SCARB1: variants seen among roughly 807,000 people sequenced by gnomAD.
SCARB1 encodes scavenger receptor class B member 1, also known as CD36 and LIMPII analogous 1.
Under a neutral mutation model 57.2 loss-of-function variants are expected in SCARB1, and 30 were observed. That is an observed-to-expected ratio of 0.52 (90% CI 0.39 to 0.71). SCARB1 has a LOEUF of 0.71. Ranked by LOEUF, SCARB1 falls within the 30% of genes least tolerant of loss-of-function variation. SCARB1 has a pLI of 0.00. For synonymous variants in SCARB1, 249 were observed against 268.3 expected, an observed-to-expected ratio of 0.93 and a Z score of 0.70; for missense variants, 543 against 671.2, an observed-to-expected ratio of 0.81 and a Z score of 2.11.
chr12:124,838,683 C>T (rs755379543), intron 1 of SCARB1, among the ~76,000 whole-genome samples: 1 of 151,840 alleles, frequency 6.6e-6, no homozygotes, highest in African/African-American at 2.4e-5. Flanking sequence ...CCCATTCAAG[C>T]AGGAGGGGCC....
At chr12:124,853,901 C>T (rs1387795572) in intron 1 of SCARB1, among the ~76,000 whole-genome samples, 2 of 152,158 alleles carry the variant, frequency 1.3e-5, no homozygotes, top group Non-Finnish European at 2.9e-5. Flanking sequence ...CCACTGGTCA[C>T]GAACCATCCT....
chr12:124,828,845 C>T (rs1951272018), intron 1 of SCARB1, among the ~76,000 whole-genome samples: 1 of 152,218 alleles, frequency 6.6e-6, no homozygotes, highest in Non-Finnish European at 1.5e-5. Flanking sequence ...CCAAGAAACA[C>T]ACCTCTGACC....
intron 9 of SCARB1, among the ~76,000 whole-genome samples, chr12:124,790,112 C>T (rs1303470077): frequency 2.6e-5 from 4 of 151,852 alleles, no homozygotes; most frequent in African/African-American, 4.8e-5. Flanking sequence ...CAGTGGTTCA[C>T]GCCTGTAATC....
At chr12:124,793,006 G>A (rs1949786813) in intron 9 of SCARB1, among the ~76,000 whole-genome samples, 2 of 152,188 alleles carry the variant, frequency 1.3e-5, no homozygotes, top group African/African-American at 4.8e-5. Context: ...GACTTGGGCT[G>A]CAAACGCCTC....
At chr12:124,852,424 G>A (rs1228777435) in intron 1 of SCARB1, among the ~76,000 whole-genome samples, 1 of 152,216 alleles carries the variant, frequency 6.6e-6, no homozygotes, top group Non-Finnish European at 1.5e-5. Context: ...ACAGCCCGAG[G>A]AGGGAGGCCC....
In SCARB1 at chr12:124,815,017, C is replaced by T. The variant is rs767638385; in HGVS notation, c.382G>A (p.Gly128Ser). Residue 128 changes from glycine to serine, a missense_variant, in exon 3 of 13, where the codon GGC becomes AGC. By Grantham distance (56) the Gly-to-Ser change is moderately conservative (BLOSUM62 0). Transcript: ENST00000261693. ...ATGACGATGTAGTCGCTCTCCGAGCCGTGGGACTTGGAGGGCTGGAACTGG... is the reference window on the plus strand; with the variant it reads ...ATGACGATGTAGTCGCTCTCCGAGCTGTGGGACTTGGAGGGCTGGAACTGG... The part of the protein sequence containing the change: ...TFQFQPSKSH[G>S]SESDYIVMPN... 8 of 1,614,068 alleles carry T rather than the reference C, an allele frequency of 5.0e-6. No homozygotes were observed. Among genetic ancestry groups the T allele is most frequent in the Non-Finnish European group, 4.2e-6 (5 of 1,180,052 alleles).
chr12:124,845,730 G>A (rs1393704525), intron 1 of SCARB1, among the ~76,000 whole-genome samples: 6 of 148,850 alleles, frequency 4.0e-5, no homozygotes, highest in Non-Finnish European at 7.4e-5. Context: ...GTCCAGGGCC[G>A]GGCACGGTGG....
intron 1 of SCARB1, among the ~76,000 whole-genome samples, chr12:124,829,213 A>G (rs1409423645): frequency 6.6e-6 from 1 of 152,120 alleles, no homozygotes; most frequent in Non-Finnish European, 1.5e-5. Flanking sequence ...AGCACCCTCC[A>G]TCAGCAAGGC....
chr12:124,860,829 G>A (rs563211226), intron 1 of SCARB1, among the ~76,000 whole-genome samples: 4 of 152,304 alleles, frequency 2.6e-5, no homozygotes, highest in South Asian at 2.1e-4. Context: ...GAAGGAAAAC[G>A]CGGGGTAGAC....
chr12:124,786,813 G>A (rs1432083605), intron 10 of SCARB1, among the ~76,000 whole-genome samples: 1 of 152,158 alleles, frequency 6.6e-6, no homozygotes, highest in African/African-American at 2.4e-5. Flanking sequence ...CAGGATGGCG[G>A]GGCCACCGGG....
At position 124,807,876 on chromosome 12, in the gene SCARB1, G is replaced by C. The variant is rs921679162; in HGVS notation, c.894C>G (p.Thr298=). The C allele has an allele frequency of 3.7e-6, 6 of 1,614,132 alleles. No homozygotes were observed. The highest frequency in any genetic ancestry group is 4.2e-6 in the Non-Finnish European group (5 of 1,180,006). ...KESGVFEGIP[T]YRFVAPKTLF... Reference sequence around the variant, plus strand: ...GGGTTTTGGGAGCCACGAAGCGATAGGTGGGGATGCCTTCAAACACCCCTG... The same window carrying C: ...GGGTTTTGGGAGCCACGAAGCGATACGTGGGGATGCCTTCAAACACCCCTG... The change falls in exon 7 of 13, where the codon ACC becomes ACG. Residue 298 remains threonine, a synonymous_variant. Transcript: ENST00000261693. This position sits in a 1 kb window ranked among gnomAD's most constrained non-coding sequence, Gnocchi z 5.3.
chr12:124,808,053 C>T, intron 6 of SCARB1, 126 bp from the exon 7 acceptor site: 1 of 880,164 alleles, frequency 1.1e-6, no homozygotes, highest in South Asian at 1.4e-5. Context: ...GTCCAAACCG[C>T]CCCCATCTCT....
chr12:124,827,854 T>C (rs1951224561), intron 1 of SCARB1, among the ~76,000 whole-genome samples: 1 of 152,134 alleles, frequency 6.6e-6, no homozygotes, highest in African/African-American at 2.4e-5. Flanking sequence ...GCACACGGTA[T>C]AATTAGCTTA....
chr12:124,794,100 C>A (rs544518300), intron 9 of SCARB1, among the ~76,000 whole-genome samples: 1 of 152,176 alleles, frequency 6.6e-6, no homozygotes, highest in South Asian at 2.1e-4. Context: ...TAGGTAAGTC[C>A]GCAGAGACAG....
intron 6 of SCARB1, among the ~76,000 whole-genome samples, 169 bp from the exon 7 acceptor site, chr12:124,808,096 C>T (rs551092104): frequency 2.0e-5 from 3 of 152,302 alleles, no homozygotes; most frequent in African/African-American, 7.2e-5. Context: ...TCCTAACAGG[C>T]CTCTCCGCTC....
chr12:124,840,109 G>T, intron 1 of SCARB1: 1 of 1,242,484 alleles, frequency 8.0e-7, no homozygotes, highest in Non-Finnish European at 1.1e-6. Flanking sequence ...GTATGAGTGT[G>T]TCTCACTGAT....
Position 124,789,679 on chromosome 12 carries a change from A to G in SCARB1, c.1203-2222T>C, listed in dbSNP as rs1376931991. 6.6e-6 allele frequency among the ~76,000 whole-genome samples: 1 copy of G among 152,262 alleles called. No homozygotes were observed. Among genetic ancestry groups the G allele is most frequent in the Non-Finnish European group, 1.5e-5 (1 of 68,052 alleles). The stretch of plus-strand genomic sequence containing the variant: ...CAAGAGAAAGAAAAACGAAAAAACA[A>G]AAACAAATTTTAAAACCCTAAAAAA... On this transcript the variant is annotated intron_variant, in intron 9 of 12. Transcript: ENST00000261693. The surrounding 1 kb of genome is among the most constrained non-coding windows in gnomAD (Gnocchi z 4.4).
intron 7 of SCARB1, among the ~76,000 whole-genome samples, chr12:124,803,204 C>T (rs1046943730): frequency 2.0e-5 from 3 of 152,196 alleles, no homozygotes; most frequent in Non-Finnish European, 4.4e-5. Context: ...GGGAGGACCG[C>T]GAGTGGCATC....
In SCARB1 at chr12:124,846,017, A is replaced by AAAAG. The variant is rs148552664; in HGVS notation, c.126+17574_126+17577dup. Reference sequence around the variant, plus strand: ...ACAGAGCAAGACTCTGTCTCAAAAAAAAAGAAAGAAAGAAAGAAAGAAATG... The same window carrying AAAAG: ...ACAGAGCAAGACTCTGTCTCAAAAAAAAAGAAAGAAAGAAAGAAAGAAAGAAATG... On this transcript the variant is annotated intron_variant, in intron 1 of 12. Transcript: ENST00000261693. 4.9e-3 allele frequency among the ~76,000 whole-genome samples: 748 copies of AAAAG among 152,152 alleles called. 5 individuals are homozygous for AAAAG. The highest frequency in any genetic ancestry group is 0.015 in the African/African-American group (630 of 41,482).
Sources: allele counts gnomAD v4.1 joint callset (sites outside exome capture counted in the v4.1 genomes callset), GRCh38; gene constraint gnomAD v4.1.1; non-coding constraint Gnocchi (gnomAD v3.1); transcripts MANE v1.5; gene names NCBI Gene and HGNC (gene_info 2026-07-23, HGNC 2026-07-21).